The following SLC17A9 variants were observed in gnomAD, a reference collection of about 807,000 sequenced individuals.
SLC17A9 encodes the protein solute carrier family 17 member 9, also known as voltage-gated purine nucleotide uniporter SLC17A9.
A neutral mutation model predicts 55.0 loss-of-function variants in SLC17A9; 49 were observed. The ratio of observed to expected loss-of-function variants is 0.89; its 90% CI spans 0.71 to 1.13. The LOEUF (loss-of-function observed/expected upper bound fraction) is 1.13, where lower values mean the gene tolerates loss of function less well. SLC17A9 is among the 50% of genes most tolerant of loss of function. SLC17A9 has a pLI of 0.00. For synonymous variants in SLC17A9, 256 were observed against 247.4 expected, an observed-to-expected ratio of 1.03 and a Z score of -0.32; for missense variants, 526 against 569.3, an observed-to-expected ratio of 0.92 and a Z score of 0.77.
chr20:62,957,808 A>C (rs1346092650), intron 3 of SLC17A9, among the ~76,000 whole-genome samples: 24 of 96,494 alleles, frequency 2.5e-4, no homozygotes, highest in Admixed American at 2.2e-3. Context: ...TGCGTGTGCA[A>C]GTGTGTGTGT....
intron 8 of SLC17A9, 48 bp downstream of exon 8, chr20:62,964,363 C>T: frequency 6.3e-7 from 1 of 1,593,910 alleles, no homozygotes; most frequent in Non-Finnish European, 8.6e-7. Context: ...CCCTGGTTCA[C>T]CTCGCTTTCG....
chr20:62,959,797 C>A (rs1210853905), intron 3 of SLC17A9, among the ~76,000 whole-genome samples: 2 of 152,272 alleles, frequency 1.3e-5, no homozygotes, highest in Non-Finnish European at 2.9e-5. Flanking sequence ...CCTGTAGACA[C>A]GGCCCGTGGG....
chr20:62,964,145 G>C, intron 7 of SLC17A9, 83 bp from the exon 8 acceptor site: 1 of 1,397,210 alleles, frequency 7.2e-7, no homozygotes, highest in Non-Finnish European at 1.0e-6. Context: ...GTGGGCACGG[G>C]GGCGCTGTCC....
intron 1 of SLC17A9, among the ~76,000 whole-genome samples, chr20:62,953,680 A>T (rs958921350): frequency 6.6e-6 from 1 of 152,166 alleles, no homozygotes; most frequent in African/African-American, 2.4e-5. Flanking sequence ...CAGGGTACCT[A>T]CCCTGACCAT....
rs2065660615 is a variant in SLC17A9 at position 62,968,727 on chromosome 20, C to G, written c.*1227C>G. ...CAAAGGAGAATCCCAGGAACGGACT[C>G]CTAGGCCGGGAGTGTTGAAATGAGC... On this transcript the variant is annotated 3_prime_UTR_variant, in exon 13 of 13. Transcript: ENST00000370351. 1 of 152,216 alleles carries G rather than the reference C, an allele frequency of 6.6e-6. No homozygotes were observed. The highest frequency in any genetic ancestry group is 2.1e-4 in the South Asian group (1 of 4,830). The allele number at this position is 152,216 out of a possible 1,614,324, so 9.4% of individuals were successfully genotyped here.
chr20:62,963,832 G>C, intron 7 of SLC17A9, 152 bp downstream of exon 7: 1 of 711,260 alleles, frequency 1.4e-6, no homozygotes. Context: ...TCTTCCTCTG[G>C]AGAGGACCCC....
chr20:62,957,747 TGTAA>T (rs1390685451), intron 3 of SLC17A9, among the ~76,000 whole-genome samples, 167 bp downstream of exon 3: 3 of 147,098 alleles, frequency 2.0e-5, no homozygotes, highest in Admixed American at 6.7e-5. Flanking sequence ...TGTGTGCGTG[TGTAA>T]GTGTGTGTAT....
Position 62,962,314 on chromosome 20 carries a change from A to T in SLC17A9, c.498-310A>T. 1 of 235,356 alleles carries T rather than the reference A, an allele frequency of 4.2e-6. No homozygotes were observed. The highest frequency in any genetic ancestry group is 8.4e-6 in the Non-Finnish European group (1 of 119,646). The allele number at this position is 235,356 out of a possible 1,614,324, so 14.6% of individuals were successfully genotyped here. ...GAAAAGGATCCACATGACAAATTGTAGGCCAATTGGAAGGCCTAGAAGCAA... is the reference window on the plus strand; with the variant it reads ...GAAAAGGATCCACATGACAAATTGTTGGCCAATTGGAAGGCCTAGAAGCAA... On this transcript the variant is annotated intron_variant, in intron 4 of 12. Coordinates refer to ENST00000370351, the MANE Select transcript of SLC17A9 (RefSeq NM_022082.4). This position sits in a 1 kb window ranked among gnomAD's most constrained non-coding sequence, Gnocchi z 5.5.
chr20:62,963,436 G>A (rs1325918405), intron 6 of SLC17A9, 67 bp downstream of exon 6: 2 of 1,555,044 alleles, frequency 1.3e-6, no homozygotes, highest in African/African-American at 2.7e-5. Context: ...GTGTGAACCT[G>A]GCCGGACCTG....
rs1296870985 is a variant in SLC17A9, at chr20:62,964,296, T to C, written c.891T>C (p.Ser297=). The change falls in exon 8 of 13, where the codon TCT becomes TCC. Residue 297 remains serine, a synonymous_variant. Coordinates refer to ENST00000370351, the MANE Select transcript of SLC17A9 (RefSeq NM_022082.4). ...CCAGTCTATTCAGCGGGTTTCTCTCTGATCATCTCATCAATCAGGGTGAGC... is the reference window on the plus strand; with the variant it reads ...CCAGTCTATTCAGCGGGTTTCTCTCCGATCATCTCATCAATCAGGGTGAGC... ...IPASLFSGFL[S]DHLINQGYRA... 3 of 1,614,172 alleles carry C rather than the reference T, an allele frequency of 1.9e-6. No homozygotes were observed. Among genetic ancestry groups the C allele is most frequent in the Admixed American group, 1.7e-5 (1 of 60,026 alleles).
intron 5 of SLC17A9, 41 bp from the exon 6 acceptor site, chr20:62,963,232 C>T (rs2065604200): frequency 6.2e-7 from 1 of 1,601,618 alleles, no homozygotes; most frequent in African/African-American, 1.3e-5. Context: ...GTGGCGCCTC[C>T]CGCCCTGATA....
Position 62,962,309 on chromosome 20 carries a change from A to T in SLC17A9, c.498-315A>T. On this transcript the variant is annotated intron_variant, in intron 4 of 12. Coordinates refer to ENST00000370351, the MANE Select transcript of SLC17A9 (RefSeq NM_022082.4). The surrounding 1 kb of genome is among the most constrained non-coding windows in gnomAD (Gnocchi z 5.5). ...TAGTTGAAAAGGATCCACATGACAA[A>T]TTGTAGGCCAATTGGAAGGCCTAGA... 4.3e-6 allele frequency: 1 copy of T among 230,904 alleles called. No homozygotes were observed. Among genetic ancestry groups the T allele is most frequent in the Non-Finnish European group, 8.6e-6 (1 of 116,888 alleles). 14.3% of individuals were successfully genotyped at this position (230,904 alleles called of 1,614,324 possible). A position where few individuals can be genotyped will look rare whatever the true frequency, so the allele number is the denominator to read the frequency against.
intron 3 of SLC17A9, among the ~76,000 whole-genome samples, chr20:62,960,111 C>T (rs1307195507): frequency 1.3e-5 from 2 of 152,244 alleles, no homozygotes; most frequent in African/African-American, 4.8e-5. Context: ...TCAGTGTGAG[C>T]ACAATGCAGC....
chr20:62,961,726 A>G (rs1267057866), intron 4 of SLC17A9, among the ~76,000 whole-genome samples: 1 of 152,154 alleles, frequency 6.6e-6, no homozygotes, highest in Non-Finnish European at 1.5e-5. Context: ...CATAAACCGG[A>G]GGGGATATAC....
chr20:62,952,721 G>A lies in SLC17A9; in HGVS notation c.-110G>A, dbSNP rs1432751862. ...TCCTGAGAGAACCAGACGGAAGCGC[G>A]CTGGGACTGACACGTGGACTTGGGC... is the stretch of plus-strand genomic sequence containing the variant. On this transcript the variant is annotated 5_prime_UTR_variant, in exon 1 of 13. Coordinates refer to ENST00000370351, the MANE Select transcript of SLC17A9 (RefSeq NM_022082.4). 15 of 1,175,968 alleles carry A rather than the reference G, an allele frequency of 1.3e-5. No individual in the cohort carries two copies. Among genetic ancestry groups the A allele is most frequent in the Non-Finnish European group, 1.6e-5 (14 of 865,518 alleles). 72.8% of individuals were successfully genotyped at this position (1,175,968 alleles called of 1,614,324 possible).
intron 1 of SLC17A9, among the ~76,000 whole-genome samples, chr20:62,954,339 G>A (rs971749493): frequency 7.9e-4 from 120 of 152,330 alleles, no homozygotes; most frequent in Admixed American, 1.3e-3. Context: ...GCTGGAGGGC[G>A]GCACCCACAC....
At chr20:62,953,544 G>A (rs78950216) in intron 1 of SLC17A9, among the ~76,000 whole-genome samples, 2,358 of 152,356 alleles carry the variant, frequency 0.015, 57 homozygotes, top group African/African-American at 0.054. Flanking sequence ...GAGCTCCTGA[G>A]AGCAGCCCCC....
rs200822929 is a variant in SLC17A9 at position 62,967,369 on chromosome 20, A to G, written c.1180A>G (p.Met394Val). 5.2e-5 allele frequency: 84 copies of G among 1,614,010 alleles called. No individual in the cohort carries two copies. In the South Asian group the frequency reaches 8.3e-4, roughly 16 times the overall value. Residue 394 changes from methionine (M) to valine (V), a missense_variant, in exon 13 of 13, where the codon ATG (methionine) becomes GTG (valine). Transcript: ENST00000370351. ...VVGVCLGGYL[M>V]ETTGSWTCLF... is the part of the protein sequence containing the mutation. Reference sequence around the variant, plus strand: ...GGGTGTGTGTCTAGGCGGCTACTTGATGGAGACCACGGGCTCCTGGACTTG... The same window carrying G: ...GGGTGTGTGTCTAGGCGGCTACTTGGTGGAGACCACGGGCTCCTGGACTTG...
chr20:62,955,940 G>A (rs2065533363), intron 1 of SLC17A9, among the ~76,000 whole-genome samples: 1 of 152,234 alleles, frequency 6.6e-6, no homozygotes, highest in South Asian at 2.1e-4. Flanking sequence ...CACACTCACT[G>A]CCAAGTTCCA....
Sources: gnomAD v4.1 joint callset for allele counts (sites outside exome capture counted in the v4.1 genomes callset) on GRCh38, gnomAD v4.1.1 for gene constraint, Gnocchi (gnomAD v3.1) non-coding constraint, MANE v1.5 for transcripts, NCBI Gene and HGNC (gene_info 2026-07-23, HGNC 2026-07-21) for gene names.